Variants in NBAS observed in about 807,000 individuals in gnomAD.
NBAS encodes NBAS subunit of NRZ tethering complex.
Under a neutral mutation model 302.5 loss-of-function variants are expected in NBAS, and 219 were observed. The ratio of observed to expected loss-of-function variants is 0.72; its 90% CI spans 0.65 to 0.81. The LOEUF (loss-of-function observed/expected upper bound fraction) is 0.81. Ranked by LOEUF, NBAS falls within the 30% of genes least tolerant of loss-of-function variation. The pLI is 0.00. For missense variants in NBAS, 2,932 were observed against 2,841.6 expected, an observed-to-expected ratio of 1.03 and a Z score of -0.72; for synonymous variants, 1,118 against 1,021.6, an observed-to-expected ratio of 1.09 and a Z score of -1.80.
intron 21 of NBAS, among the ~76,000 whole-genome samples, chr2:15,433,024 T>C (rs979083335): frequency 2.9e-4 from 44 of 152,282 alleles, no homozygotes; most frequent in African/African-American, 9.6e-4. Context: ...ACAACAGCAC[T>C]CTAGGATTTG....
chr2:15,440,634 CA>C (rs1558340758), intron 21 of NBAS, among the ~76,000 whole-genome samples: 2 of 152,316 alleles, frequency 1.3e-5, no homozygotes, highest in East Asian at 3.9e-4. Context: ...AGTTCCTCAC[CA>C]GCAATGGGAC....
At chr2:15,337,648 T>C (rs1672651805) in intron 35 of NBAS, among the ~76,000 whole-genome samples, 1 of 151,986 alleles carries the variant, frequency 6.6e-6, no homozygotes, top group Non-Finnish European at 1.5e-5. Context: ...TGCTCAGAAA[T>C]GAATGTGATA....
the NBAS span, among the ~76,000 whole-genome samples, chr2:14,945,766 G>T: frequency 6.6e-6 from 1 of 152,020 alleles, no homozygotes; most frequent in Non-Finnish European, 1.5e-5. Context: ...GGAATGAAAA[G>T]AAATAAAAAT....
At chr2:15,330,339 T>C (rs1237362971) in intron 36 of NBAS, among the ~76,000 whole-genome samples, 1 of 152,188 alleles carries the variant, frequency 6.6e-6, no homozygotes, top group Admixed American at 6.5e-5. Flanking sequence ...AAAATTTTTC[T>C]TTTCATCACA....
At position 15,553,433 on chromosome 2, in the gene NBAS, C is replaced by T; in HGVS notation, c.328G>A (p.Glu110Lys). The T allele has an allele frequency of 6.2e-7, 1 of 1,609,210 alleles. No homozygotes were observed. Among genetic ancestry groups the T allele is most frequent in the Non-Finnish European group, 8.5e-7 (1 of 1,175,674 alleles). Residue 110 changes from glutamate to lysine, a missense_variant, in exon 5 of 52, where the codon GAA (glutamate) becomes AAA (lysine). Transcript: ENST00000281513. ...AATAATATTAACAATTACCTGATTTCCACACACTGATCTTGAACAGCAGCC... is the reference window on the plus strand; with the variant it reads ...AATAATATTAACAATTACCTGATTTTCACACACTGATCTTGAACAGCAGCC... ...LLAAVQDQCV[E>K]IRSAKDDFTS...
intron 50 of NBAS, chr2:15,179,348 C>T: frequency 1.8e-6 from 1 of 549,464 alleles, no homozygotes; most frequent in South Asian, 2.1e-5. Context: ...GACAATATTG[C>T]TTTTTAATGG....
rs1267186146 is a variant in NBAS at position 15,327,721 on chromosome 2, T to C, written c.4582+29A>G. On this transcript the variant is annotated intron_variant, in intron 38 of 51. Transcript: ENST00000281513. ...ACAATGTTCACCTAGAGTTACACAC[T>C]GTCAAGGGACTAGAACCTTCTCTCT... 3.7e-6 allele frequency: 6 copies of C among 1,613,164 alleles called. No individual in the cohort carries two copies. The East Asian group carries it at 1.1e-4, about 30-fold the overall frequency.
At chr2:15,453,624 C>A (rs56750280) in intron 21 of NBAS, among the ~76,000 whole-genome samples, 1 of 151,946 alleles carries the variant, frequency 6.6e-6, no homozygotes, top group Non-Finnish European at 1.5e-5. Flanking sequence ...ATGGCAACAC[C>A]GAAAACATAT....
the NBAS span, among the ~76,000 whole-genome samples, chr2:14,873,942 C>T: frequency 4.0e-5 from 6 of 151,080 alleles, no homozygotes; most frequent in East Asian, 1.9e-4. Context: ...ATCAGAAAGA[C>T]GACAAAGATA....
At chr2:14,958,928 A>G in the NBAS span, among the ~76,000 whole-genome samples, 3 of 152,332 alleles carry the variant, frequency 2.0e-5, no homozygotes, top group Middle Eastern at 3.4e-3. Flanking sequence ...GGGATAAGGA[A>G]GGAAGACTGG....
the NBAS span, among the ~76,000 whole-genome samples, chr2:15,119,343 C>T: frequency 7.4e-6 from 1 of 134,702 alleles, no homozygotes; most frequent in African/African-American, 2.8e-5. Context: ...GAGTCTTGCA[C>T]TGTCGCCCAG....
the NBAS span, among the ~76,000 whole-genome samples, chr2:14,850,025 G>A: frequency 3.6e-5 from 5 of 138,474 alleles, no homozygotes; most frequent in Admixed American, 1.4e-4. Context: ...ATCAACTAAC[G>A]AGCAAAATAA....
intron 21 of NBAS, among the ~76,000 whole-genome samples, chr2:15,440,822 G>C (rs1366187808): frequency 2.0e-5 from 3 of 152,054 alleles, no homozygotes; most frequent in African/African-American, 7.2e-5. Flanking sequence ...GGAGCTGATG[G>C]AGCTGAAAGC....
chr2:15,232,636 T>C, intron 46 of NBAS, 125 bp from the exon 47 acceptor site: 1 of 790,734 alleles, frequency 1.3e-6, no homozygotes, highest in South Asian at 1.5e-5. Flanking sequence ...CCCATAGTCA[T>C]TTGTGCTATG....
In NBAS at chr2:15,245,431, C is replaced by A. The variant is rs149188471; in HGVS notation, c.5725-6745G>T. On this transcript the variant is annotated intron_variant, in intron 44 of 51. Coordinates refer to ENST00000281513, the MANE Select transcript of NBAS (RefSeq NM_015909.4). ...CAAAAATGTCATCTTATCCGAGAGGCCTTCCCTGACCACTCCATGAAACAT... is the reference window on the plus strand; with the variant it reads ...CAAAAATGTCATCTTATCCGAGAGGACTTCCCTGACCACTCCATGAAACAT... Among the ~76,000 whole-genome samples, 507 of 152,292 alleles carry A rather than the reference C, an allele frequency of 3.3e-3. 1 individual carries two copies. Among genetic ancestry groups the A allele is most frequent in the African/African-American group, 0.011 (446 of 41,560 alleles).
chr2:15,303,710 G>A (rs534206891), intron 40 of NBAS, among the ~76,000 whole-genome samples: 1 of 152,266 alleles, frequency 6.6e-6, no homozygotes, highest in East Asian at 1.9e-4. Flanking sequence ...TTGGTACAAA[G>A]TAATTTACTA....
At chr2:14,944,025 T>A in the NBAS span, among the ~76,000 whole-genome samples, 3 of 151,904 alleles carry the variant, frequency 2.0e-5, no homozygotes, top group East Asian at 5.8e-4. Context: ...CCCTGCCAGG[T>A]GCGGTGGCTC....
intron 23 of NBAS, among the ~76,000 whole-genome samples, chr2:15,423,093 T>C (rs1192793119): frequency 2.0e-5 from 3 of 152,216 alleles, no homozygotes; most frequent in African/African-American, 4.8e-5. Context: ...TAAAAGATTA[T>C]ACAGGGACCC....
chr2:15,340,615 A>T (rs569674822), intron 35 of NBAS, among the ~76,000 whole-genome samples: 7 of 152,296 alleles, frequency 4.6e-5, no homozygotes, highest in African/African-American at 1.7e-4. Context: ...AATCATCAGC[A>T]CAAAGTCGAT....
Sources: gnomAD v4.1 joint callset for allele counts (sites outside exome capture counted in the v4.1 genomes callset) on GRCh38, gnomAD v4.1.1 for gene constraint, MANE v1.5 for transcripts, NCBI Gene and HGNC (gene_info 2026-07-23, HGNC 2026-07-21) for gene names.